The following FNDC3B variants were observed in gnomAD, a reference collection of about 807,000 sequenced individuals.
FNDC3B encodes fibronectin type III domain-containing protein 3B.
A neutral mutation model predicts 151.5 loss-of-function variants in FNDC3B; 12 were observed. The observed-to-expected ratio is 0.08, with a 90% CI of 0.05 to 0.13. The LOEUF is 0.13. Ranked by LOEUF, FNDC3B falls within the 10% of genes least tolerant of loss-of-function variation. The pLI, the probability that FNDC3B is intolerant of heterozygous loss-of-function variation, is 1.00. For missense variants in FNDC3B, 1,214 were observed against 1,505.3 expected, an observed-to-expected ratio of 0.81 and a Z score of 3.20; for synonymous variants, 528 against 549.0, an observed-to-expected ratio of 0.96 and a Z score of 0.54.
intron 24 of FNDC3B, 147 bp downstream of exon 24, chr3:172,378,583 G>A (rs1251679458): frequency 3.9e-6 from 3 of 763,968 alleles, no homozygotes; most frequent in Non-Finnish European, 5.9e-6. Flanking sequence ...GCAATGATGG[G>A]TTGTCTGGGG....
chr3:172,114,896 C>A (rs1304057582), intron 2 of FNDC3B, among the ~76,000 whole-genome samples: 2 of 152,150 alleles, frequency 1.3e-5, no homozygotes, highest in Non-Finnish European at 2.9e-5. Context: ...CAAGAAGGAA[C>A]TGTTTTGTCT....
At chr3:172,136,662 G>A (rs914497472) in intron 3 of FNDC3B, among the ~76,000 whole-genome samples, 3 of 152,218 alleles carry the variant, frequency 2.0e-5, no homozygotes, top group African/African-American at 7.2e-5. Context: ...GGATTTAAGA[G>A]ATCAAAACTC....
chr3:172,385,010 A>T (rs1735633405), intron 25 of FNDC3B, among the ~76,000 whole-genome samples: 1 of 152,052 alleles, frequency 6.6e-6, no homozygotes, highest in Non-Finnish European at 1.5e-5. Flanking sequence ...CCAAGAAATG[A>T]TTAAGGAGAG....
chr3:172,113,138 A>G (rs1249419972), intron 2 of FNDC3B, among the ~76,000 whole-genome samples: 1 of 152,234 alleles, frequency 6.6e-6, no homozygotes, highest in East Asian at 1.9e-4. Context: ...CTTGGGGGAA[A>G]CAATTTAGAC....
intron 1 of FNDC3B, among the ~76,000 whole-genome samples, chr3:172,108,320 C>T (rs908231809): frequency 7.9e-5 from 12 of 152,184 alleles, no homozygotes; most frequent in African/African-American, 2.7e-4. Context: ...AAGCTGTGGC[C>T]AGCCTGCTCT....
intron 3 of FNDC3B, among the ~76,000 whole-genome samples, chr3:172,137,780 A>G (rs1306274531): frequency 6.6e-6 from 1 of 152,234 alleles, no homozygotes; most frequent in African/African-American, 2.4e-5. Flanking sequence ...TGAAACATGA[A>G]TCATAGGTCT....
rs756041159 is a variant in FNDC3B, at chr3:172,337,341, G to T, written c.1792G>T (p.Asp598Tyr). The T allele has an allele frequency of 5.6e-6, 9 of 1,609,742 alleles. No homozygotes were observed. In the Admixed American group the frequency reaches 8.3e-5, roughly 15 times the overall value. Residue 598 changes from aspartate (D) to tyrosine (Y), a missense_variant, in exon 16 of 26, where the codon GAC (aspartate) becomes TAC (tyrosine). This residue lies in a region of FNDC3B where 380 missense variants were observed against 420.9 expected (regional missense o/e 0.90). Coordinates refer to ENST00000415807, the MANE Select transcript of FNDC3B (RefSeq NM_022763.4). ...GFSVKWDPPKDNGGSEILKYL... is the reference protein window; with the variant it reads ...GFSVKWDPPKYNGGSEILKYL... ...TGGTTATTTTCCAGATCCCCCTAAGGACAATGGTGGTTCAGAAATCCTCAA... is the reference window on the plus strand; with the variant it reads ...TGGTTATTTTCCAGATCCCCCTAAGTACAATGGTGGTTCAGAAATCCTCAA...
intron 2 of FNDC3B, among the ~76,000 whole-genome samples, chr3:172,117,659 A>T (rs1384503529): frequency 6.6e-6 from 1 of 152,164 alleles, no homozygotes; most frequent in Non-Finnish European, 1.5e-5. Flanking sequence ...GTGCCACTTT[A>T]TATTATATTC....
At chr3:172,264,625 A>G (rs1294303133) in intron 6 of FNDC3B, among the ~76,000 whole-genome samples, 1 of 152,210 alleles carries the variant, frequency 6.6e-6, no homozygotes, top group Non-Finnish European at 1.5e-5. Flanking sequence ...TTTAAAATTC[A>G]ACACTTTCAT....
intron 23 of FNDC3B, among the ~76,000 whole-genome samples, chr3:172,367,366 T>C (rs1161916703): frequency 6.6e-6 from 1 of 152,086 alleles, no homozygotes; most frequent in Non-Finnish European, 1.5e-5. Context: ...GGGAGATAAA[T>C]TAACATCAAA....
At chr3:172,347,762 TA>T in intron 21 of FNDC3B, among the ~76,000 whole-genome samples, 1 of 152,306 alleles carries the variant, frequency 6.6e-6, no homozygotes, top group East Asian at 1.9e-4. Context: ...AAAATTATTT[TA>T]CGAGCTGTTA....
chr3:172,112,560 C>G lies in FNDC3B; in HGVS notation c.81C>G (p.Pro27=), dbSNP rs760205713. The G allele has an allele frequency of 1.9e-6, 3 of 1,613,882 alleles. No individual in the cohort carries two copies. The highest frequency in any genetic ancestry group is 1.7e-6 in the Non-Finnish European group (2 of 1,179,776). The change falls in exon 2 of 26, where the codon CCC becomes CCG. Residue 27 remains proline, a synonymous_variant. Coordinates refer to ENST00000415807, the MANE Select transcript of FNDC3B (RefSeq NM_022763.4). The part of the protein sequence containing the change: ...PLLNGEVAMM[P]HLVNGDAAQQ... ...TGAACGGAGAGGTAGCCATGATGCC[C>G]CACTTGGTGAATGGAGATGCAGCTC...
chr3:172,072,060 C>T lies in FNDC3B; in HGVS notation c.-29+32289C>T, dbSNP rs1187816370. Among the ~76,000 whole-genome samples the T allele has an allele frequency of 2.7e-5, 4 of 150,456 alleles. No individual in the cohort carries two copies. In the South Asian group the frequency reaches 8.6e-4, roughly 32 times the overall value. ...AGTAGTTCATATGTCGGAAACTCAT[C>T]CTTCATTTTCTTCAATGAAAATACG... On this transcript the variant is annotated intron_variant, in intron 1 of 25. Transcript: ENST00000415807.
chr3:172,297,916 T>C (rs918778102), intron 8 of FNDC3B, among the ~76,000 whole-genome samples: 1 of 152,260 alleles, frequency 6.6e-6, no homozygotes, highest in African/African-American at 2.4e-5. Flanking sequence ...CTGTTGTCTA[T>C]ATTCCAGCTT....
chr3:172,135,386 G>C (rs182437540), intron 3 of FNDC3B, among the ~76,000 whole-genome samples: 1 of 151,954 alleles, frequency 6.6e-6, no homozygotes, highest in Non-Finnish European at 1.5e-5. Flanking sequence ...AGGAAATGTT[G>C]CAAGTATATT....
At chr3:172,311,023 T>C (rs989029422) in intron 11 of FNDC3B, 142 bp downstream of exon 11, 20 of 653,384 alleles carry the variant, frequency 3.1e-5, no homozygotes, top group African/African-American at 7.3e-5. Flanking sequence ...TCAATAGTTA[T>C]TGACTATGGA....
intron 1 of FNDC3B, among the ~76,000 whole-genome samples, chr3:172,083,921 G>T (rs1718413508): frequency 6.6e-6 from 1 of 152,126 alleles, no homozygotes; most frequent in Non-Finnish European, 1.5e-5. Flanking sequence ...ACTGCATTGT[G>T]ACCTTAGTTT....
At chr3:172,313,755 C>T (rs1005866178) in intron 11 of FNDC3B, among the ~76,000 whole-genome samples, 6 of 152,182 alleles carry the variant, frequency 3.9e-5, no homozygotes, top group Non-Finnish European at 8.8e-5. Context: ...TTCCCATCCC[C>T]TTATAAAGAT....
chr3:172,147,128 A>G (rs1721951644), intron 3 of FNDC3B, among the ~76,000 whole-genome samples: 1 of 152,064 alleles, frequency 6.6e-6, no homozygotes, highest in Admixed American at 6.6e-5. Context: ...CAACATAGCA[A>G]AACCCTGTCT....
Sources: gnomAD v4.1 joint callset for allele counts (sites outside exome capture counted in the v4.1 genomes callset) on GRCh38, gnomAD v4.1.1 for gene constraint, gnomAD v4.1.1 regional missense constraint, MANE v1.5 for transcripts, NCBI Gene and HGNC (gene_info 2026-07-23, HGNC 2026-07-21) for gene names.